Variants in ADGRV1 observed in about 807,000 individuals in gnomAD.
ADGRV1 encodes the protein G-protein coupled receptor 98.
Under a neutral mutation model 596.2 loss-of-function variants are expected in ADGRV1, and 359 were observed. The observed-to-expected ratio is 0.60, with a 90% CI of 0.55 to 0.66. The LOEUF (loss-of-function observed/expected upper bound fraction) is 0.66, where lower values mean the gene tolerates loss of function less well. ADGRV1 is among the 30% of genes least tolerant of loss of function. The pLI is 0.00. For missense variants in ADGRV1, 7,274 were observed against 7,575.6 expected (o/e 0.96, Z 1.48); for synonymous variants, 2,681 against 2,679.2 (o/e 1.00, Z -0.02).
chr5:90,981,859 T>C (rs1780102452), intron 84 of ADGRV1, among the ~76,000 whole-genome samples: 1 of 152,212 alleles, frequency 6.6e-6, no homozygotes, highest in Non-Finnish European at 1.5e-5. Context: ...TTGACATGCC[T>C]AGTGGTAGAA....
intron 17 of ADGRV1, among the ~76,000 whole-genome samples, chr5:90,649,598 C>T (rs1461491401): frequency 1.3e-5 from 2 of 152,190 alleles, no homozygotes; most frequent in Admixed American, 6.5e-5. Context: ...AAGCAATTCT[C>T]CTGCCTCAGC....
chr5:90,899,541 G>A (rs901663529), intron 83 of ADGRV1, among the ~76,000 whole-genome samples: 2 of 152,122 alleles, frequency 1.3e-5, no homozygotes, highest in Admixed American at 6.5e-5. Flanking sequence ...GTTCCAGATT[G>A]TTTCCCAGGG....
At chr5:90,969,057 A>G (rs1359536772) in intron 84 of ADGRV1, among the ~76,000 whole-genome samples, 1 of 139,632 alleles carries the variant, frequency 7.2e-6, no homozygotes, top group Non-Finnish European at 1.5e-5. Context: ...GTGCCATATA[A>G]TAAAGTTAGA....
chr5:90,635,064 A>T, intron 9 of ADGRV1, 50 bp from the exon 10 acceptor site: 1 of 1,281,798 alleles, frequency 7.8e-7, no homozygotes, highest in Non-Finnish European at 1.1e-6. Context: ...TTTTTAAAAA[A>T]TTTATATTCT....
intron 85 of ADGRV1, among the ~76,000 whole-genome samples, chr5:91,037,686 T>C (rs1299772006): frequency 6.6e-6 from 1 of 152,170 alleles, no homozygotes; most frequent in Non-Finnish European, 1.5e-5. Context: ...GAAATGAAGA[T>C]TTATGAAATT....
intron 85 of ADGRV1, among the ~76,000 whole-genome samples, chr5:91,041,180 A>T (rs1436644751): frequency 6.6e-6 from 1 of 152,192 alleles, no homozygotes; most frequent in East Asian, 1.9e-4. Context: ...ATAAAGACAC[A>T]TGCACACATA....
intron 34 of ADGRV1, among the ~76,000 whole-genome samples, chr5:90,698,799 G>C (rs1389892032): frequency 2.6e-5 from 4 of 152,024 alleles, no homozygotes; most frequent in Admixed American, 2.6e-4. Flanking sequence ...CCTGAGAGGA[G>C]AGAGAAGCCT....
At chr5:90,559,043 AG>A (rs749480523) in intron 1 of ADGRV1, 126 bp downstream of exon 1, 5 of 786,012 alleles carry the variant, frequency 6.4e-6, no homozygotes, top group Non-Finnish European at 9.1e-6. Context: ...AGCCGGGCCC[AG>A]GGAGGCTGGG....
chr5:90,697,142 T>G lies in ADGRV1; in HGVS notation c.8151T>G (p.His2717Gln), dbSNP rs1248439356. ...FQTASRSVIG[H>Q]EGEILQFHVI... The stretch of plus-strand genomic sequence containing the variant: ...CAGCTTCCAGATCTGTCATAGGTCA[T>G]GAAGGTGGGTTCCTTTTTTTGTTAA... Residue 2717 changes from histidine to glutamine, a missense_variant, in exon 34 of 90, where the codon CAT (histidine) becomes CAG (glutamine). By Grantham distance (24) the His-to-Gln change is conservative. This residue lies in a region of ADGRV1 where 3,643 missense variants were observed against 3,809.2 expected (regional missense o/e 0.96). Coordinates refer to ENST00000405460, the MANE Select transcript of ADGRV1 (RefSeq NM_032119.4). The G allele has an allele frequency of 6.2e-7, 1 of 1,611,010 alleles. No individual in the cohort carries two copies. The highest frequency in any genetic ancestry group is 1.3e-5 in the African/African-American group (1 of 74,836).
chr5:91,098,036 G>A (rs1791027772), intron 86 of ADGRV1, among the ~76,000 whole-genome samples: 2 of 152,098 alleles, frequency 1.3e-5, no homozygotes, highest in Admixed American at 1.3e-4. Flanking sequence ...ACATTGAAAT[G>A]ATTCTGTTTT....
At chr5:90,751,200 G>T (rs537291882) in intron 53 of ADGRV1, among the ~76,000 whole-genome samples, 133 of 152,312 alleles carry the variant, frequency 8.7e-4, no homozygotes, top group African/African-American at 3.1e-3. Context: ...TGTGAGGAAG[G>T]TGAGGATGTG....
chr5:90,738,201 A>G (rs1361644707), intron 50 of ADGRV1, among the ~76,000 whole-genome samples: 1 of 152,118 alleles, frequency 6.6e-6, no homozygotes, highest in African/African-American at 2.4e-5. Context: ...AACAAAAACT[A>G]TATTTTTATG....
At chr5:90,981,135 C>T (rs1487374845) in intron 84 of ADGRV1, among the ~76,000 whole-genome samples, 2 of 152,086 alleles carry the variant, frequency 1.3e-5, no homozygotes, top group Non-Finnish European at 1.5e-5. Flanking sequence ...TTTAGGGAGA[C>T]ATGAGACATC....
intron 75 of ADGRV1, among the ~76,000 whole-genome samples, chr5:90,816,143 G>A (rs979069681): frequency 2.0e-5 from 3 of 152,124 alleles, no homozygotes; most frequent in African/African-American, 4.8e-5. Flanking sequence ...ATGCACATGT[G>A]TATATATTAC....
intron 55 of ADGRV1, 64 bp downstream of exon 55, chr5:90,755,249 A>T (rs1430963986): frequency 1.9e-6 from 2 of 1,050,174 alleles, no homozygotes; most frequent in African/African-American, 1.6e-5. Context: ...TAAAATTGTG[A>T]TGCTCTTGTA....
Position 91,036,046 on chromosome 5 carries a change from TAATG to T in ADGRV1, c.18153-36398_18153-36395del, listed in dbSNP as rs1784887187. Among the ~76,000 whole-genome samples the T allele has an allele frequency of 2.6e-5, 4 of 151,438 alleles. No individual in the cohort carries two copies. The South Asian group carries it at 8.3e-4, about 32-fold the overall frequency. ...AGATATGTGATGTTAAAAATATACTTAATGAAGAAATCATTATGTTTAAATGTAT... is the reference window on the plus strand; with the variant it reads ...AGATATGTGATGTTAAAAATATACTTAAGAAATCATTATGTTTAAATGTAT... On this transcript the variant is annotated intron_variant, in intron 85 of 89. Coordinates refer to ENST00000405460, the MANE Select transcript of ADGRV1 (RefSeq NM_032119.4).
rs1466522985 is a variant in ADGRV1, at chr5:90,756,921, GA to G, written c.11758-57del. 16 of 1,321,184 alleles carry G rather than the reference GA, an allele frequency of 1.2e-5. 1 individual carries two copies. The South Asian group carries it at 1.6e-4, about 13-fold the overall frequency. 81.8% of individuals were successfully genotyped at this position (1,321,184 alleles called of 1,614,324 possible). The stretch of plus-strand genomic sequence containing the variant: ...TAAGTAGAAACAATAACTTTAGAAA[GA>G]TGACTTATGAGAGTTACCATTTTAT... On this transcript the variant is annotated intron_variant, in intron 56 of 89. Coordinates refer to ENST00000405460, the MANE Select transcript of ADGRV1 (RefSeq NM_032119.4).
chr5:90,661,269 A>T (rs1415991010), intron 21 of ADGRV1, among the ~76,000 whole-genome samples: 1 of 152,172 alleles, frequency 6.6e-6, no homozygotes, highest in Non-Finnish European at 1.5e-5. Context: ...AGAACTTGCT[A>T]ATCGTATTGT....
chr5:90,918,428 G>A (rs1458580641), intron 83 of ADGRV1, among the ~76,000 whole-genome samples: 1 of 152,240 alleles, frequency 6.6e-6, no homozygotes, highest in African/African-American at 2.4e-5. Flanking sequence ...TATTTTCAGC[G>A]ATTTTATCTC....
Sources: gnomAD v4.1 joint callset for allele counts (sites outside exome capture counted in the v4.1 genomes callset) on GRCh38, gnomAD v4.1.1 for gene constraint, gnomAD v4.1.1 regional missense constraint, MANE v1.5 for transcripts, NCBI Gene and HGNC (gene_info 2026-07-23, HGNC 2026-07-21) for gene names.